LEPR: variants seen among roughly 807,000 people sequenced by gnomAD.
LEPR encodes the protein leptin receptor.
A neutral mutation model predicts 114.7 loss-of-function variants in LEPR; 56 were observed. The observed-to-expected ratio is 0.49, with a 90% CI of 0.39 to 0.61. The LOEUF (loss-of-function observed/expected upper bound fraction) is 0.61. LEPR is among the 20% of genes least tolerant of loss of function. LEPR has a pLI of 0.00. For missense variants in LEPR, 1,202 were observed against 1,352.9 expected (o/e 0.89, Z 1.75); for synonymous variants, 443 against 461.4 (o/e 0.96, Z 0.51).
At chr1:65,454,145 C>T (rs1557600055) in intron 2 of LEPR, among the ~76,000 whole-genome samples, 1 of 151,640 alleles carries the variant, frequency 6.6e-6, no homozygotes, top group African/African-American at 2.4e-5. Flanking sequence ...GTAGATCTTC[C>T]TCCATCCTTT....
rs566540195 is a variant in LEPR at position 65,521,426 on chromosome 1, T to C, written c.-20-44120T>C. Among the ~76,000 whole-genome samples the C allele has an allele frequency of 3.9e-5, 6 of 152,318 alleles. No individual in the cohort carries two copies. The South Asian group carries it at 1.2e-3, about 32-fold the overall frequency. ...TCTTGCATGTACAGTCAACTGATTA[T>C]GGACTTTAATGACATCTAGCGACTC... On this transcript the variant is annotated intron_variant, in intron 2 of 19. Coordinates refer to ENST00000349533, the MANE Select transcript of LEPR (RefSeq NM_002303.6).
chr1:65,580,503 C>CAA (rs1247661948), intron 5 of LEPR, among the ~76,000 whole-genome samples: 1 of 152,162 alleles, frequency 6.6e-6, no homozygotes, highest in Non-Finnish European at 1.5e-5. Flanking sequence ...TGTTTGGGCT[C>CAA]AGATATTAAT....
intron 6 of LEPR, 42 bp downstream of exon 6, chr1:65,592,907 A>T: frequency 6.2e-7 from 1 of 1,602,954 alleles, no homozygotes; most frequent in Non-Finnish European, 8.5e-7. Context: ...TCTAAACATC[A>T]GTCATATATA....
chr1:65,591,963 T>C (rs1655726977), intron 5 of LEPR, among the ~76,000 whole-genome samples: 1 of 152,000 alleles, frequency 6.6e-6, no homozygotes, highest in Admixed American at 6.6e-5. Context: ...TTATATTTTC[T>C]TGTTTTATTA....
chr1:65,571,827 G>A (rs1247674713), intron 4 of LEPR, among the ~76,000 whole-genome samples: 2 of 147,862 alleles, frequency 1.4e-5, no homozygotes, highest in African/African-American at 2.5e-5. Context: ...AAAATTAACT[G>A]GGCATGGTGG....
chr1:65,507,991 C>G (rs554493356), intron 2 of LEPR, among the ~76,000 whole-genome samples: 2 of 152,198 alleles, frequency 1.3e-5, no homozygotes, highest in Admixed American at 6.5e-5. Flanking sequence ...ATGTCTTCTC[C>G]TGAGAAATGT....
intron 2 of LEPR, among the ~76,000 whole-genome samples, chr1:65,480,286 G>T (rs1176461287): frequency 1.3e-5 from 2 of 152,068 alleles, no homozygotes; most frequent in African/African-American, 4.8e-5. Flanking sequence ...TTTTGAGGAA[G>T]AATACACATG....
At chr1:65,481,354 A>G (rs1647231125) in intron 2 of LEPR, among the ~76,000 whole-genome samples, 1 of 152,192 alleles carries the variant, frequency 6.6e-6, no homozygotes, top group Non-Finnish European at 1.5e-5. Context: ...GGTTTCGGGG[A>G]AAAAAAACCC....
intron 16 of LEPR, among the ~76,000 whole-genome samples, chr1:65,618,978 G>T (rs1023910051): frequency 6.6e-6 from 1 of 152,148 alleles, no homozygotes; most frequent in African/African-American, 2.4e-5. Context: ...CTAGACCAGG[G>T]TATTCTCCCA....
chr1:65,489,185 C>G (rs1350246185), intron 2 of LEPR, among the ~76,000 whole-genome samples: 2 of 152,026 alleles, frequency 1.3e-5, no homozygotes, highest in African/African-American at 4.8e-5. Context: ...TTCCAAGGAA[C>G]TTTCATATTG....
chr1:65,609,528 A>T (rs917366032), intron 12 of LEPR, among the ~76,000 whole-genome samples: 1 of 152,236 alleles, frequency 6.6e-6, no homozygotes, highest in African/African-American at 2.4e-5. Flanking sequence ...AACTAAAACA[A>T]ATGTGACAGT....
intron 14 of LEPR, 135 bp downstream of exon 14, chr1:65,610,431 T>G: frequency 1.3e-6 from 1 of 782,128 alleles, no homozygotes; most frequent in Non-Finnish European, 2.1e-6. Context: ...TGAGATGTAT[T>G]TAAAGAGAGC....
chr1:65,488,619 A>G (rs1647704018), intron 2 of LEPR, among the ~76,000 whole-genome samples: 1 of 151,860 alleles, frequency 6.6e-6, no homozygotes, highest in Admixed American at 6.6e-5. Context: ...GTGAGCCACC[A>G]TGCCCAGCCT....
Position 65,620,842 on chromosome 1 carries a change from G to A in LEPR, c.2492-511G>A, listed in dbSNP as rs75251769. On this transcript the variant is annotated intron_variant, in intron 17 of 19. Transcript: ENST00000349533. ...TCACTTAACATTGCAGTTTCCAAGAGCCTATCAATGATGTTCAGTGAAGAC... is the reference window on the plus strand; with the variant it reads ...TCACTTAACATTGCAGTTTCCAAGAACCTATCAATGATGTTCAGTGAAGAC... Among the ~76,000 whole-genome samples the A allele has an allele frequency of 4.5e-3, 682 of 152,314 alleles. 7 individuals are homozygous for A. Among genetic ancestry groups the A allele is most frequent in the South Asian group, 0.029 (142 of 4,828 alleles).
At chr1:65,487,913 TC>T (rs1647581276) in intron 2 of LEPR, among the ~76,000 whole-genome samples, 2 of 151,802 alleles carry the variant, frequency 1.3e-5, no homozygotes, top group African/African-American at 2.4e-5. Context: ...CTTTCTTTTT[TC>T]GTCTTTCTTT....
intron 2 of LEPR, among the ~76,000 whole-genome samples, chr1:65,539,918 G>T (rs1651065033): frequency 6.6e-6 from 1 of 152,170 alleles, no homozygotes; most frequent in Admixed American, 6.5e-5. Context: ...TTTGGGTGTG[G>T]TCTTGGCTGT....
At chr1:65,450,020 T>C (rs1451405513) in intron 2 of LEPR, among the ~76,000 whole-genome samples, 1 of 152,206 alleles carries the variant, frequency 6.6e-6, no homozygotes, top group African/African-American at 2.4e-5. Context: ...CCATGTGTTA[T>C]TTTGAAGTGT....
intron 13 of LEPR, 43 bp downstream of exon 13, chr1:65,610,149 G>A: frequency 3.1e-6 from 5 of 1,614,112 alleles, no homozygotes; most frequent in Non-Finnish European, 4.2e-6. Flanking sequence ...GTGCATAAGT[G>A]TGTGCTTCAA....
intron 2 of LEPR, among the ~76,000 whole-genome samples, chr1:65,454,759 T>C (rs1333810698): frequency 6.6e-6 from 1 of 152,148 alleles, no homozygotes; most frequent in Non-Finnish European, 1.5e-5. Flanking sequence ...CAATTATGTG[T>C]CTTGGAGTTG....
Sources: gnomAD v4.1 joint callset for allele counts (sites outside exome capture counted in the v4.1 genomes callset) on GRCh38, gnomAD v4.1.1 for gene constraint, MANE v1.5 for transcripts, NCBI Gene and HGNC (gene_info 2026-07-23, HGNC 2026-07-21) for gene names.